GRIK1: variants seen among roughly 807,000 people sequenced by gnomAD.
GRIK1 encodes glutamate receptor ionotropic, kainate 1.
GRIK1 carries 69 observed loss-of-function variants against 105.7 expected under a neutral mutation model. The ratio of observed to expected loss-of-function variants is 0.65; its 90% CI spans 0.54 to 0.80. The LOEUF (loss-of-function observed/expected upper bound fraction) is 0.80, where lower values mean the gene tolerates loss of function less well. Among genes scored for constraint, GRIK1 ranks in the 30% least tolerant of loss-of-function variants. The probability of loss-of-function intolerance (pLI) is 0.00; values close to 1 mark genes in which losing one functional copy is unlikely to be tolerated. For missense variants in GRIK1, 1,109 were observed against 1,167.3 expected (o/e 0.95, Z 0.73); for synonymous variants, 438 against 431.3 (o/e 1.02, Z -0.19).
chr21:29,680,009 C>T (rs943844292), intron 3 of GRIK1, among the ~76,000 whole-genome samples: 6 of 152,164 alleles, frequency 3.9e-5, no homozygotes, highest in Non-Finnish European at 5.9e-5. Context: ...GGAATATGCT[C>T]GCTATCTTCC....
chr21:29,687,398 A>G (rs539760892), intron 3 of GRIK1, among the ~76,000 whole-genome samples: 1 of 152,334 alleles, frequency 6.6e-6, no homozygotes, highest in African/African-American at 2.4e-5. Flanking sequence ...GTCAAGCAGT[A>G]TAAAACCCAC....
chr21:29,706,899 CTGT>C (rs1317559870), intron 1 of GRIK1, among the ~76,000 whole-genome samples: 1 of 152,156 alleles, frequency 6.6e-6, no homozygotes, highest in African/African-American at 2.4e-5. Flanking sequence ...GAGTCTCGCT[CTGT>C]TGCCCAGGCT....
intron 1 of GRIK1, among the ~76,000 whole-genome samples, chr21:29,793,951 T>G (rs760998294): frequency 6.6e-6 from 1 of 152,202 alleles, no homozygotes; most frequent in Non-Finnish European, 1.5e-5. Flanking sequence ...TCAGCATGGC[T>G]CTGTCCAAAT....
chr21:29,755,501 G>C (rs960803737), intron 1 of GRIK1, among the ~76,000 whole-genome samples: 1 of 152,340 alleles, frequency 6.6e-6, no homozygotes, highest in Non-Finnish European at 1.5e-5. Context: ...CCAGGTGGGG[G>C]ATCTGAGGCA....
At chr21:29,912,245 A>G (rs978741988) in intron 1 of GRIK1, among the ~76,000 whole-genome samples, 37 of 152,136 alleles carry the variant, frequency 2.4e-4, no homozygotes, top group Admixed American at 5.2e-4. Flanking sequence ...CAGCATGACC[A>G]TAAACCACAA....
chr21:29,667,997 C>T (rs1364085705), intron 4 of GRIK1, among the ~76,000 whole-genome samples: 29 of 152,288 alleles, frequency 1.9e-4, no homozygotes, highest in Non-Finnish European at 4.4e-5. Context: ...CCCAAATGTG[C>T]TTGGCAGAGA....
Position 29,746,091 on chromosome 21 carries a change from G to A in GRIK1, c.119-52028C>T, listed in dbSNP as rs139071652. 2.6e-3 allele frequency among the ~76,000 whole-genome samples: 401 copies of A among 152,070 alleles called. 5 individuals carry two copies. The highest frequency in any genetic ancestry group is 9.0e-3 in the African/African-American group (374 of 41,488). On this transcript the variant is annotated intron_variant, in intron 1 of 17. Coordinates refer to ENST00000327783, the MANE Select transcript of GRIK1 (RefSeq NM_001330994.2). ...TGCACTCCAGCCTGGGTGACAGAGC[G>A]GGACTCCGTTTCAAAAATAAAAAAA... is the stretch of plus-strand genomic sequence containing the variant.
At chr21:29,785,907 G>A (rs76853215) in intron 1 of GRIK1, among the ~76,000 whole-genome samples, 2,494 of 152,302 alleles carry the variant, frequency 0.016, 64 homozygotes, top group African/African-American at 0.057. Context: ...GTTTCTGGTA[G>A]CTCCAGGCAT....
At chr21:29,602,364 C>T (rs2061535282) in intron 7 of GRIK1, among the ~76,000 whole-genome samples, 4 of 152,144 alleles carry the variant, frequency 2.6e-5, no homozygotes, top group Admixed American at 2.6e-4. Flanking sequence ...ATTATGTTTT[C>T]ACTATTAATT....
chr21:29,587,581 G>A lies in GRIK1; in HGVS notation c.1578C>T (p.Asp526=). 1.2e-6 allele frequency: 2 copies of A among 1,607,834 alleles called. No individual in the cohort carries two copies. Among genetic ancestry groups the A allele is most frequent in the South Asian group, 1.1e-5 (1 of 90,832 alleles). ...TGATGGTAAGAGGAGCCACTGCCAG[G>A]TCAGCCCTCTGCAAAAGCAAGTCCA... ...MVKELIDHRA[D]LAVAPLTITY... Residue 526 remains aspartate, a synonymous_variant, in exon 12 of 18, where the codon GAC becomes GAT. Coordinates refer to ENST00000327783, the MANE Select transcript of GRIK1 (RefSeq NM_001330994.2).
At chr21:29,629,575 C>T (rs112871023) in intron 7 of GRIK1, among the ~76,000 whole-genome samples, 7,151 of 151,640 alleles carry the variant, frequency 0.047, 247 homozygotes, top group Non-Finnish European at 0.072. Flanking sequence ...CTGCAAACTC[C>T]GCCTCCCAGG....
At chr21:29,736,760 C>T (rs1268477969) in intron 1 of GRIK1, among the ~76,000 whole-genome samples, 1 of 151,240 alleles carries the variant, frequency 6.6e-6, no homozygotes, top group East Asian at 2.0e-4. Flanking sequence ...TCACTGCAAC[C>T]TCTGCCTCCT....
intron 1 of GRIK1, among the ~76,000 whole-genome samples, chr21:29,750,952 G>T (rs1205418853): frequency 2.6e-5 from 4 of 152,196 alleles, no homozygotes; most frequent in Non-Finnish European, 5.9e-5. Flanking sequence ...AGATAGGGGT[G>T]GGGCCGTTTT....
At chr21:29,782,245 C>T (rs1371302731) in intron 1 of GRIK1, among the ~76,000 whole-genome samples, 4 of 151,662 alleles carry the variant, frequency 2.6e-5, no homozygotes, top group Non-Finnish European at 4.4e-5. Flanking sequence ...CGCCACCAAG[C>T]CTGGCTAATT....
At chr21:29,553,704 C>T (rs1468020946) in intron 16 of GRIK1, 3 of 1,542,704 alleles carry the variant, frequency 1.9e-6, no homozygotes, top group Non-Finnish European at 2.6e-6. Flanking sequence ...AAACAAAAAG[C>T]CTTGCATGCA....
At chr21:29,674,287 T>TTGTGTGTG (rs58544191) in intron 3 of GRIK1, among the ~76,000 whole-genome samples, 5 of 145,782 alleles carry the variant, frequency 3.4e-5, no homozygotes, top group African/African-American at 1.3e-4. Context: ...GAAGTTACAT[T>TTGTGTGTG]TGTGTGTGTG....
chr21:29,635,548 T>C (rs1398065642), intron 7 of GRIK1, among the ~76,000 whole-genome samples: 2 of 152,168 alleles, frequency 1.3e-5, no homozygotes, highest in South Asian at 2.1e-4. Context: ...CAGTGACTGA[T>C]ATAAATGTGA....
intron 1 of GRIK1, among the ~76,000 whole-genome samples, chr21:29,708,082 G>A (rs1253462363): frequency 6.6e-6 from 1 of 152,152 alleles, no homozygotes; most frequent in Non-Finnish European, 1.5e-5. Context: ...CAGAAGTGAA[G>A]GCTGAGCAAT....
chr21:29,861,581 A>AACAAACACT, intron 1 of GRIK1: 1 of 353,688 alleles, frequency 2.8e-6, no homozygotes, highest in South Asian at 2.3e-5. Context: ...GTGTGGGATT[A>AACAAACACT]TAGGTGTGAG....
Sources: gnomAD v4.1 joint callset for allele counts (sites outside exome capture counted in the v4.1 genomes callset) on GRCh38, gnomAD v4.1.1 for gene constraint, MANE v1.5 for transcripts, NCBI Gene and HGNC (gene_info 2026-07-23, HGNC 2026-07-21) for gene names.